The following ADCY8 variants were observed in gnomAD, a reference collection of about 807,000 sequenced individuals.
The protein encoded by ADCY8 is adenylate cyclase type 8.
In ADCY8, 51 loss-of-function variants were observed where a neutral mutation model predicts 119.7. The ratio of observed to expected loss-of-function variants is 0.43; its 90% CI spans 0.34 to 0.54. The LOEUF (loss-of-function observed/expected upper bound fraction) is 0.54, where lower values mean the gene tolerates loss of function less well. Ranked by LOEUF, ADCY8 falls within the 20% of genes least tolerant of loss-of-function variation. The pLI is 0.03. For synonymous variants in ADCY8, 665 were observed against 651.0 expected (o/e 1.02, Z -0.33); for missense variants, 1,383 against 1,598.8 (o/e 0.87, Z 2.30).
chr8:131,013,705 G>A (rs1049281064), intron 1 of ADCY8, among the ~76,000 whole-genome samples: 4 of 152,088 alleles, frequency 2.6e-5, no homozygotes, highest in Non-Finnish European at 4.4e-5. Context: ...TTTTTATTGG[G>A]TAATTGGGTT....
At chr8:130,884,793 C>G in intron 7 of ADCY8, 32 bp from the exon 8 acceptor site, 1 of 1,591,272 alleles carries the variant, frequency 6.3e-7, no homozygotes, top group Non-Finnish European at 8.6e-7. Flanking sequence ...ACACAATAAA[C>G]CTGCTAGTCC....
intron 14 of ADCY8, among the ~76,000 whole-genome samples, chr8:130,808,035 A>C (rs1389680502): frequency 6.7e-6 from 1 of 148,472 alleles, no homozygotes; most frequent in South Asian, 2.2e-4. Context: ...GCCAGTATCA[A>C]GTATTTGGTT....
intron 14 of ADCY8, among the ~76,000 whole-genome samples, chr8:130,801,522 C>T (rs999466839): frequency 2.0e-5 from 3 of 152,144 alleles, no homozygotes; most frequent in Non-Finnish European, 4.4e-5. Context: ...TTCTCCTAGC[C>T]TCCTCTCCCT....
chr8:130,849,375 G>A (rs1403623436), intron 10 of ADCY8, among the ~76,000 whole-genome samples: 1 of 152,114 alleles, frequency 6.6e-6, no homozygotes, highest in East Asian at 1.9e-4. Flanking sequence ...GAACTCCTTT[G>A]GAGAAAATAA....
At chr8:130,956,827 C>G (rs1439028842) in intron 2 of ADCY8, among the ~76,000 whole-genome samples, 2 of 152,302 alleles carry the variant, frequency 1.3e-5, no homozygotes, top group East Asian at 3.9e-4. Context: ...CTCTCATTCT[C>G]TCTTTGCCTG....
intron 4 of ADCY8, among the ~76,000 whole-genome samples, chr8:130,940,234 C>T (rs553806412): frequency 9.2e-5 from 14 of 152,294 alleles, no homozygotes; most frequent in African/African-American, 3.4e-4. Flanking sequence ...CCATGTTTGT[C>T]TGATTGTGGG....
At chr8:130,929,613 A>T (rs550864459) in intron 5 of ADCY8, among the ~76,000 whole-genome samples, 18 of 152,310 alleles carry the variant, frequency 1.2e-4, no homozygotes, top group Non-Finnish European at 2.2e-4. Flanking sequence ...TTCTGCAGCT[A>T]TTGAATGAAA....
intron 8 of ADCY8, among the ~76,000 whole-genome samples, chr8:130,875,499 G>C (rs1818527346): frequency 1.3e-5 from 2 of 152,170 alleles, no homozygotes; most frequent in Non-Finnish European, 2.9e-5. Flanking sequence ...ATAAGACATG[G>C]AGTGGTTCAA....
In ADCY8 at chr8:130,951,999, C is replaced by G; in HGVS notation, c.1111-1G>C. 1 of 1,613,956 alleles carries G rather than the reference C, an allele frequency of 6.2e-7. No homozygotes were observed. The highest frequency in any genetic ancestry group is 8.5e-7 in the Non-Finnish European group (1 of 1,179,896). ...GGAGCACAGAAAGCACGAGCCGCTC[C>G]TGGAACAAATGAAGAGGGACGGTCC... On this transcript the variant is annotated splice_acceptor_variant, in intron 2 of 17. Transcript: ENST00000286355. LOFTEE classifies it high-confidence loss of function.
chr8:130,935,368 G>T (rs1479439958), intron 5 of ADCY8: 1 of 152,202 alleles, frequency 6.6e-6, no homozygotes, highest in Non-Finnish European at 1.5e-5. Flanking sequence ...AAGGGAGAAA[G>T]AAGGTTTTTA....
intron 2 of ADCY8, among the ~76,000 whole-genome samples, chr8:130,965,294 G>A (rs904406130): frequency 6.6e-6 from 1 of 152,114 alleles, no homozygotes; most frequent in Non-Finnish European, 1.5e-5. Context: ...GAGTGCACAT[G>A]GGCACAAAGA....
intron 11 of ADCY8, 137 bp downstream of exon 11, chr8:130,847,287 G>A: frequency 1.7e-6 from 1 of 598,764 alleles, no homozygotes; most frequent in Middle Eastern, 4.1e-4. Context: ...AAGAAGAAAG[G>A]AAAGAAGAAG....
chr8:130,996,939 T>C (rs935225639), intron 1 of ADCY8, among the ~76,000 whole-genome samples: 2 of 152,176 alleles, frequency 1.3e-5, no homozygotes. Context: ...TCTAGAAATC[T>C]GTCTTTAGGA....
chr8:130,934,973 TA>T (rs1174790501), intron 5 of ADCY8, among the ~76,000 whole-genome samples: 1 of 152,198 alleles, frequency 6.6e-6, no homozygotes, highest in African/African-American at 2.4e-5. Flanking sequence ...AAATGAGGCA[TA>T]AGGCCTCTGA....
intron 1 of ADCY8, among the ~76,000 whole-genome samples, chr8:131,023,974 T>C (rs1332141322): frequency 2.0e-5 from 3 of 152,256 alleles, no homozygotes; most frequent in Non-Finnish European, 2.9e-5. Context: ...ACATGGCTTC[T>C]CTTCCTTATA....
chr8:130,805,625 C>G (rs1815924722), intron 14 of ADCY8, among the ~76,000 whole-genome samples: 1 of 152,154 alleles, frequency 6.6e-6, no homozygotes, highest in South Asian at 2.1e-4. Flanking sequence ...AGGGGTCTGA[C>G]AGTCAGTTGA....
At chr8:130,889,087 C>T (rs1356839107) in intron 7 of ADCY8, among the ~76,000 whole-genome samples, 1 of 152,082 alleles carries the variant, frequency 6.6e-6, no homozygotes, top group Non-Finnish European at 1.5e-5. Flanking sequence ...TGATCTATTT[C>T]GTTGTTAGAT....
At chr8:130,876,510 G>C (rs1428883875) in intron 8 of ADCY8, among the ~76,000 whole-genome samples, 2 of 151,926 alleles carry the variant, frequency 1.3e-5, no homozygotes, top group East Asian at 1.9e-4. Context: ...ACTGGCCTAA[G>C]AAAAAATGTT....
In ADCY8 at chr8:130,904,247, G is replaced by A. The variant is rs113671403; in HGVS notation, c.1641-205C>T. ...TCATGAGCACAGTATCACGGACATC[G>A]TCCCAAGAGACACTGCTGCCTCTGA... is the stretch of plus-strand genomic sequence containing the variant. On this transcript the variant is annotated intron_variant, in intron 6 of 17. Coordinates refer to ENST00000286355, the MANE Select transcript of ADCY8 (RefSeq NM_001115.3). Among the ~76,000 whole-genome samples the A allele has an allele frequency of 2.6e-3, 403 of 152,262 alleles. 1 individual carries two copies. The highest frequency in any genetic ancestry group is 8.8e-3 in the African/African-American group (365 of 41,552).
Sources: gnomAD v4.1 joint callset for allele counts (sites outside exome capture counted in the v4.1 genomes callset) on GRCh38, gnomAD v4.1.1 for gene constraint, MANE v1.5 for transcripts, NCBI Gene and HGNC (gene_info 2026-07-23, HGNC 2026-07-21) for gene names.